Variants in DCT observed in about 807,000 individuals in gnomAD.
DCT encodes the protein L-dopachrome tautomerase.
A neutral mutation model predicts 53.0 loss-of-function variants in DCT; 47 were observed. That is an observed-to-expected ratio of 0.89 (90% confidence interval 0.70 to 1.13). The LOEUF is 1.13. Ranked by LOEUF, DCT falls within the 50% of genes most tolerant of loss-of-function variation. DCT has a pLI of 0.00. For missense variants in DCT, 669 were observed against 637.4 expected (o/e 1.05, Z -0.53); for synonymous variants, 244 against 237.0 (o/e 1.03, Z -0.27).
chr13:94,457,247 C>T (rs988360082), intron 6 of DCT, among the ~76,000 whole-genome samples: 1 of 152,200 alleles, frequency 6.6e-6, no homozygotes, highest in African/African-American at 2.4e-5. Context: ...GAAGCCCTAA[C>T]CCACAATGTG....
At chr13:94,487,959 T>C in the DCT span, among the ~76,000 whole-genome samples, 5 of 152,160 alleles carry the variant, frequency 3.3e-5, no homozygotes, top group South Asian at 6.2e-4. Flanking sequence ...TTCAGTTGAG[T>C]GCATTTTTTT....
chr13:94,463,050 C>T (rs997514557), intron 4 of DCT, among the ~76,000 whole-genome samples: 1 of 152,222 alleles, frequency 6.6e-6, no homozygotes, highest in Non-Finnish European at 1.5e-5. Context: ...GAGAAGGTCC[C>T]ATGTCCGTAA....
intron 1 of DCT, among the ~76,000 whole-genome samples, chr13:94,470,853 A>T (rs1884600231): frequency 1.3e-5 from 2 of 152,330 alleles, no homozygotes; most frequent in South Asian, 4.1e-4. Flanking sequence ...ACTGATTGTA[A>T]ACATTACTAC....
chr13:94,469,327 G>C (rs958978889), intron 1 of DCT, among the ~76,000 whole-genome samples: 1 of 152,178 alleles, frequency 6.6e-6, no homozygotes, highest in Admixed American at 6.5e-5. Flanking sequence ...CCTAGCCCCA[G>C]TATACCTCGT....
the DCT span, among the ~76,000 whole-genome samples, chr13:94,505,868 T>C: frequency 6.6e-6 from 1 of 152,138 alleles, no homozygotes; most frequent in Non-Finnish European, 1.5e-5. Context: ...AGGCCCTCAG[T>C]CCAGCAATCC....
chr13:94,522,957 C>T, the DCT span, among the ~76,000 whole-genome samples: 2 of 152,122 alleles, frequency 1.3e-5, no homozygotes, highest in African/African-American at 2.4e-5. Flanking sequence ...TGTTAGCATA[C>T]GTGTTTTACA....
intron 5 of DCT, 70 bp from the exon 6 acceptor site, chr13:94,460,296 C>A: frequency 7.0e-7 from 1 of 1,437,106 alleles, no homozygotes; most frequent in Non-Finnish European, 9.7e-7. Flanking sequence ...TTGTTTTCAG[C>A]CTAGATAATA....
the DCT span, among the ~76,000 whole-genome samples, chr13:94,495,107 T>A: frequency 6.6e-6 from 1 of 152,034 alleles, no homozygotes; most frequent in African/African-American, 2.4e-5. Flanking sequence ...TATATTTTCT[T>A]TTTTTTTAAA....
the DCT span, among the ~76,000 whole-genome samples, chr13:94,521,126 T>C: frequency 2.0e-5 from 3 of 152,320 alleles, no homozygotes; most frequent in Admixed American, 6.5e-5. Context: ...TGGTTTCAAA[T>C]GCCAGCTTGG....
At chr13:94,522,033 T>C in the DCT span, among the ~76,000 whole-genome samples, 1 of 152,224 alleles carries the variant, frequency 6.6e-6, no homozygotes, top group Non-Finnish European at 1.5e-5. Flanking sequence ...TAGCCCAGTG[T>C]CTTCAAGGTT....
intron 1 of DCT, among the ~76,000 whole-genome samples, chr13:94,472,546 ATATATATATATATATATATATATTT>A (rs1884761673): frequency 7.4e-4 from 19 of 25,572 alleles, no homozygotes; most frequent in African/African-American, 3.2e-3. Context: ...ATATATATAT[ATATATATATATATATATATATATTT>A]TTTTTTTTTT....
the DCT span, among the ~76,000 whole-genome samples, chr13:94,508,928 T>G: frequency 6.6e-6 from 1 of 152,138 alleles, no homozygotes; most frequent in Non-Finnish European, 1.5e-5. Context: ...TTTGAAAGTC[T>G]CTTCTAGTCA....
chr13:94,478,875 C>T (rs1885275135), intron 1 of DCT, 86 bp downstream of exon 1: 4 of 1,340,598 alleles, frequency 3.0e-6, no homozygotes, highest in Non-Finnish European at 4.1e-6. Context: ...ATCTAAGAGT[C>T]TCTGTCAAGA....
chr13:94,508,563 G>A, the DCT span, among the ~76,000 whole-genome samples: 1 of 152,218 alleles, frequency 6.6e-6, no homozygotes, highest in African/African-American at 2.4e-5. Context: ...TCATAAAAAT[G>A]AAACTTTCAG....
chr13:94,456,162 A>T (rs956871575), intron 6 of DCT, among the ~76,000 whole-genome samples: 10 of 152,252 alleles, frequency 6.6e-5, no homozygotes, highest in Non-Finnish European at 1.5e-5. Flanking sequence ...GGCTGGGACC[A>T]TTAATTCAGA....
At chr13:94,460,970 G>A (rs1440585091) in intron 5 of DCT, among the ~76,000 whole-genome samples, 3 of 152,174 alleles carry the variant, frequency 2.0e-5, no homozygotes, top group Non-Finnish European at 4.4e-5. Flanking sequence ...AGGGCAGGCT[G>A]GACTCAAATG....
In DCT at chr13:94,468,878, C is replaced by A. The variant is rs762745612; in HGVS notation, c.463G>T (p.Asp155Tyr). 6.2e-7 allele frequency: 1 copy of A among 1,614,102 alleles called. No individual in the cohort carries two copies. Among genetic ancestry groups the A allele is most frequent in the South Asian group, 1.1e-5 (1 of 91,064 alleles). The change falls in exon 2 of 8, where the codon GAC (aspartate) becomes TAC (tyrosine). Residue 155 changes from aspartate to tyrosine, a missense_variant. Transcript: ENST00000377028. ...LDLAKKRVHP[D>Y]YVITTQHWLG... ...CAGTGTTGTGTGGTGATCACGTAGT[C>A]GGGGTGTACTCTCTTCTTCGCGAGA...
At chr13:94,485,131 G>T in the DCT span, among the ~76,000 whole-genome samples, 1 of 151,448 alleles carries the variant, frequency 6.6e-6, no homozygotes, top group Non-Finnish European at 1.5e-5. Context: ...CTGCTGGGGG[G>T]CGGTGGGGGG....
intron 6 of DCT, among the ~76,000 whole-genome samples, chr13:94,454,587 T>A (rs762087338): frequency 6.6e-6 from 1 of 152,246 alleles, no homozygotes; most frequent in Non-Finnish European, 1.5e-5. Flanking sequence ...TGCACTTTAA[T>A]GTTCTGCCTT....
Sources: allele counts gnomAD v4.1 joint callset (sites outside exome capture counted in the v4.1 genomes callset), GRCh38; gene constraint gnomAD v4.1.1; transcripts MANE v1.5; gene names NCBI Gene and HGNC (gene_info 2026-07-23, HGNC 2026-07-21).